SAMSN1: variants seen among roughly 807,000 people sequenced by gnomAD.
SAMSN1 encodes SAM domain, SH3 domain and nuclear localization signals 1, also known as SAM domain-containing protein SAMSN-1.
SAMSN1 carries 31 observed loss-of-function variants against 42.0 expected under a neutral mutation model. The ratio of observed to expected loss-of-function variants is 0.74; its 90% CI spans 0.55 to 1.00. The LOEUF is 1.00. SAMSN1 is among the 50% of genes least tolerant of loss of function. The pLI is 0.00. For missense variants in SAMSN1, 464 were observed against 439.4 expected, an observed-to-expected ratio of 1.06 and a Z score of -0.50; for synonymous variants, 178 against 151.9, an observed-to-expected ratio of 1.17 and a Z score of -1.26.
At chr21:14,589,471 CAG>C in intron 7 of SAMSN1, among the ~76,000 whole-genome samples, 1 of 151,930 alleles carries the variant, frequency 6.6e-6, no homozygotes, top group South Asian at 2.1e-4. Flanking sequence ...CTTTCCAAAA[CAG>C]AGGATAAGTA....
chr21:14,557,077 G>A (rs1447400155), intron 2 of SAMSN1, among the ~76,000 whole-genome samples: 1 of 152,136 alleles, frequency 6.6e-6, no homozygotes, highest in East Asian at 1.9e-4. Context: ...GCCCCTGCAA[G>A]CAGTGAAACA....
chr21:14,556,978 C>T (rs1980781123), intron 2 of SAMSN1, among the ~76,000 whole-genome samples: 1 of 152,172 alleles, frequency 6.6e-6, no homozygotes, highest in South Asian at 2.1e-4. Context: ...ATAATAATAA[C>T]TGATTAACTA....
intron 1 of SAMSN1, among the ~76,000 whole-genome samples, chr21:14,543,270 T>A (rs1033397218): frequency 1.8e-4 from 28 of 152,146 alleles, no homozygotes; most frequent in African/African-American, 6.5e-4. Context: ...TGAATGCTAC[T>A]CTTAATTTTG....
intron 3 of SAMSN1, among the ~76,000 whole-genome samples, chr21:14,613,521 T>C (rs919182050): frequency 2.6e-5 from 4 of 152,186 alleles, no homozygotes; most frequent in Non-Finnish European, 5.9e-5. Flanking sequence ...TTGATATTCT[T>C]TATTGTCATT....
At chr21:14,562,879 T>C (rs1384656081) in intron 2 of SAMSN1, among the ~76,000 whole-genome samples, 4 of 152,156 alleles carry the variant, frequency 2.6e-5, no homozygotes, top group Non-Finnish European at 5.9e-5. Context: ...TTATGATAAT[T>C]GGTAGCTTTA....
At chr21:14,523,371 C>A (rs900748575) in intron 1 of SAMSN1, 2 of 149,872 alleles carry the variant, frequency 1.3e-5, no homozygotes, top group African/African-American at 5.1e-5. Flanking sequence ...TGACTTGCCA[C>A]CCCGGCTGGA....
At chr21:14,623,129 T>C (rs1983060242) in intron 2 of SAMSN1, among the ~76,000 whole-genome samples, 1 of 151,982 alleles carries the variant, frequency 6.6e-6, no homozygotes, top group Non-Finnish European at 1.5e-5. Context: ...GCACTAAACA[T>C]GGAAAGGAAC....
chr21:14,534,209 T>C (rs1183251679), intron 1 of SAMSN1, among the ~76,000 whole-genome samples: 1 of 152,182 alleles, frequency 6.6e-6, no homozygotes, highest in East Asian at 1.9e-4. Flanking sequence ...CATTTCACAC[T>C]CATTATACAT....
intron 2 of SAMSN1, among the ~76,000 whole-genome samples, chr21:14,640,460 C>A (rs1214886725): frequency 6.6e-6 from 1 of 151,782 alleles, no homozygotes. Context: ...AGGAACCAGT[C>A]CAAATGGAAT....
intron 4 of SAMSN1, among the ~76,000 whole-genome samples, chr21:14,511,201 G>C (rs976433564): frequency 6.6e-6 from 1 of 152,108 alleles, no homozygotes; most frequent in African/African-American, 2.4e-5. Flanking sequence ...GTGGAAATAA[G>C]GTATAGCTCC....
chr21:14,503,864 G>A (rs1016455893), intron 5 of SAMSN1, among the ~76,000 whole-genome samples: 9 of 152,028 alleles, frequency 5.9e-5, no homozygotes, highest in African/African-American at 2.2e-4. Context: ...CAGTAAACAG[G>A]AGACAATCTA....
At chr21:14,488,609 A>G (rs925600897) in intron 7 of SAMSN1, among the ~76,000 whole-genome samples, 1 of 152,164 alleles carries the variant, frequency 6.6e-6, no homozygotes, top group Non-Finnish European at 1.5e-5. Context: ...ACAAAAATGT[A>G]TTTGTTTTTA....
At chr21:14,576,159 G>A (rs1344838338) in intron 2 of SAMSN1, among the ~76,000 whole-genome samples, 2 of 152,142 alleles carry the variant, frequency 1.3e-5, no homozygotes, top group South Asian at 2.1e-4. Context: ...TGTAGGTTGT[G>A]GGGGAGGCGT....
chr21:14,599,850 T>C (rs1200074813), intron 6 of SAMSN1, among the ~76,000 whole-genome samples: 1 of 152,146 alleles, frequency 6.6e-6, no homozygotes, highest in African/African-American at 2.4e-5. Context: ...CGGTCTCAAG[T>C]ATTTCTTTAT....
intron 1 of SAMSN1, among the ~76,000 whole-genome samples, chr21:14,543,434 C>CGATAAGTT (rs1269903959): frequency 6.6e-6 from 1 of 151,880 alleles, no homozygotes; most frequent in Non-Finnish European, 1.5e-5. Context: ...ACATGTTTAT[C>CGATAAGTT]GATAAGTTTT....
At chr21:14,557,439 C>T (rs1344227349) in intron 2 of SAMSN1, among the ~76,000 whole-genome samples, 2 of 152,142 alleles carry the variant, frequency 1.3e-5, no homozygotes, top group Non-Finnish European at 2.9e-5. Flanking sequence ...GGAATTCACG[C>T]CCCATACTTC....
chr21:14,546,599 A>G (rs1390594098), upstream of SAMSN1, among the ~76,000 whole-genome samples: 1 of 151,930 alleles, frequency 6.6e-6, no homozygotes, highest in East Asian at 1.9e-4. Context: ...AATGCATTCC[A>G]TGGGTAGAAA....
intron 1 of SAMSN1, among the ~76,000 whole-genome samples, chr21:14,645,154 G>A (rs181496934): frequency 4.9e-4 from 75 of 152,306 alleles, no homozygotes; most frequent in African/African-American, 1.4e-3. Context: ...GAGCCTGAGC[G>A]CTTTGAGTGA....
chr21:14,532,553 G>C (rs971796859), intron 1 of SAMSN1, among the ~76,000 whole-genome samples: 1 of 152,184 alleles, frequency 6.6e-6, no homozygotes, highest in Admixed American at 6.5e-5. Context: ...AATCTCCTGA[G>C]GGGGTTAATA....
Sources: allele counts gnomAD v4.1 joint callset (sites outside exome capture counted in the v4.1 genomes callset), GRCh38; gene constraint gnomAD v4.1.1; transcripts MANE v1.5; gene names NCBI Gene and HGNC (gene_info 2026-07-23, HGNC 2026-07-21).